Variants in FMNL2 observed in about 807,000 individuals in gnomAD.
FMNL2 encodes the protein formin like 2.
Under a neutral mutation model 130.2 loss-of-function variants are expected in FMNL2, and 51 were observed. The observed-to-expected ratio is 0.39, with a 90% CI of 0.31 to 0.49. The LOEUF is 0.49. Among genes scored for constraint, FMNL2 ranks in the 20% least tolerant of loss-of-function variants. The pLI is 0.85. For synonymous variants in FMNL2, 465 were observed against 467.1 expected (o/e 1.00, Z 0.06); for missense variants, 977 against 1,316.2 (o/e 0.74, Z 3.99).
chr2:152,394,668 C>T (rs1685296539), intron 1 of FMNL2, among the ~76,000 whole-genome samples: 1 of 144,024 alleles, frequency 6.9e-6, no homozygotes, highest in Admixed American at 7.1e-5. Flanking sequence ...ATCTCCCACA[C>T]TAGGAAAGAA....
At position 152,647,672 on chromosome 2, in the gene FMNL2, G is replaced by A. The variant is rs1304550234; in HGVS notation, c.3170-124G>A. On this transcript the variant is annotated intron_variant, in intron 25 of 25. Coordinates refer to ENST00000288670, the MANE Select transcript of FMNL2 (RefSeq NM_052905.4). ...CTTTGATTCAATGCTCAGTGAGTTT[G>A]AAGGGCCCATTAGCTGACTTTTCTA... 6.2e-6 allele frequency: 5 copies of A among 807,562 alleles called. No homozygotes were observed. The African/African-American group carries it at 8.5e-5, about 14-fold the overall frequency. 50.0% of individuals were successfully genotyped at this position (807,562 alleles called of 1,614,324 possible).
At chr2:152,639,577 G>T (rs1396254035) in intron 23 of FMNL2, among the ~76,000 whole-genome samples, 3 of 152,206 alleles carry the variant, frequency 2.0e-5, no homozygotes. Context: ...GAAGGCAGAA[G>T]AATCTTAGAT....
intron 1 of FMNL2, among the ~76,000 whole-genome samples, chr2:152,477,542 T>C (rs1250075569): frequency 1.3e-5 from 2 of 152,276 alleles, no homozygotes; most frequent in East Asian, 1.9e-4. Flanking sequence ...TGATGACAAA[T>C]TGGTGTCTCA....
At chr2:152,575,761 A>G (rs1180725950) in intron 7 of FMNL2, among the ~76,000 whole-genome samples, 1 of 152,226 alleles carries the variant, frequency 6.6e-6, no homozygotes, top group Admixed American at 6.5e-5. Flanking sequence ...CCAGGAATGG[A>G]TAGAGACAGT....
chr2:152,461,603 A>G (rs1327269814), intron 1 of FMNL2, among the ~76,000 whole-genome samples: 2 of 152,218 alleles, frequency 1.3e-5, no homozygotes, highest in Non-Finnish European at 2.9e-5. Context: ...TAAAAATTCA[A>G]TTCTTTCTTC....
At chr2:152,372,910 A>G (rs1454215724) in intron 1 of FMNL2, among the ~76,000 whole-genome samples, 1 of 152,200 alleles carries the variant, frequency 6.6e-6, no homozygotes, top group East Asian at 1.9e-4. Flanking sequence ...TGACCCCAAG[A>G]AGAGGTATCT....
At chr2:152,601,671 C>CTTTTCT (rs1698076811) in intron 9 of FMNL2, among the ~76,000 whole-genome samples, 219 of 103,488 alleles carry the variant, frequency 2.1e-3, no homozygotes, top group African/African-American at 7.0e-3. Flanking sequence ...TCTTTTCTTT[C>CTTTTCT]TTTTTTTTTT....
At position 152,381,938 on chromosome 2, in the gene FMNL2, A is replaced by G. The variant is rs550223581; in HGVS notation, c.117+46218A>G. 3.3e-5 allele frequency among the ~76,000 whole-genome samples: 5 copies of G among 151,986 alleles called. No individual in the cohort carries two copies. In the East Asian group the frequency reaches 9.7e-4, roughly 29 times the overall value. On this transcript the variant is annotated intron_variant, in intron 1 of 25. Coordinates refer to ENST00000288670, the MANE Select transcript of FMNL2 (RefSeq NM_052905.4). ...TCAGCCTCCTGAGGAGGCTGGAACT[A>G]CAAGCAGGCATCATCACACCCAGCT...
At chr2:152,484,415 G>A (rs1690699536) in intron 1 of FMNL2, among the ~76,000 whole-genome samples, 2 of 151,966 alleles carry the variant, frequency 1.3e-5, no homozygotes. Flanking sequence ...TGAGGTAGGA[G>A]GATCACTTGA....
At chr2:152,469,448 T>A (rs1689735366) in intron 1 of FMNL2, among the ~76,000 whole-genome samples, 1 of 152,208 alleles carries the variant, frequency 6.6e-6, no homozygotes, top group Non-Finnish European at 1.5e-5. Flanking sequence ...AGTATCCCTT[T>A]TCCCACATGC....
intron 25 of FMNL2, among the ~76,000 whole-genome samples, chr2:152,646,984 G>A (rs960861375): frequency 6.6e-6 from 1 of 152,130 alleles, no homozygotes; most frequent in Non-Finnish European, 1.5e-5. Flanking sequence ...TATTTGGACT[G>A]GTATGCAGTG....
In FMNL2 at chr2:152,643,649, T is replaced by G. The variant is rs547096969; in HGVS notation, c.3169+2735T>G. The G allele has an allele frequency of 2.3e-4, 337 of 1,467,880 alleles. 1 individual carries two copies. The South Asian group carries it at 3.6e-3, about 16-fold the overall frequency. The allele number at this position is 1,467,880 out of a possible 1,614,324, so 90.9% of individuals were successfully genotyped here. A position where few individuals can be genotyped will look rare whatever the true frequency, so the allele number is the denominator to read the frequency against. On this transcript the variant is annotated intron_variant, in intron 25 of 25. Transcript: ENST00000288670. ...CATCTCCATCATGTTATATTTTGTG[T>G]TGTTCTCATGCTGCATGGTTTTGCA...
chr2:152,413,877 G>A, intron 1 of FMNL2, among the ~76,000 whole-genome samples: 1 of 152,180 alleles, frequency 6.6e-6, no homozygotes, highest in East Asian at 1.9e-4. Context: ...CCTCCTTGTG[G>A]GCAACAAGAC....
chr2:152,626,206 T>G (rs1681773776), intron 16 of FMNL2, among the ~76,000 whole-genome samples: 1 of 152,062 alleles, frequency 6.6e-6, no homozygotes, highest in African/African-American at 2.4e-5. Context: ...CTGGCTATTC[T>G]TTGTGTTTTT....
chr2:152,640,304 T>C (rs527368351), intron 24 of FMNL2, among the ~76,000 whole-genome samples: 2 of 152,210 alleles, frequency 1.3e-5, no homozygotes, highest in African/African-American at 2.4e-5. Context: ...TAGTTGGATA[T>C]ACAGAGAGGC....
intron 6 of FMNL2, among the ~76,000 whole-genome samples, chr2:152,571,478 CA>C (rs1323651187): frequency 2.0e-5 from 3 of 152,250 alleles, no homozygotes; most frequent in Non-Finnish European, 4.4e-5. Flanking sequence ...TGGTTCTGCT[CA>C]AATTATGTGA....
chr2:152,646,582 C>T (rs933060570), intron 25 of FMNL2, among the ~76,000 whole-genome samples: 1 of 69,272 alleles, frequency 1.4e-5, no homozygotes, highest in African/African-American at 5.0e-5. Context: ...TGTACATGTG[C>T]GGGGGGTGGG....
intron 6 of FMNL2, among the ~76,000 whole-genome samples, chr2:152,569,413 G>A (rs1467801418): frequency 6.6e-6 from 1 of 152,142 alleles, no homozygotes; most frequent in African/African-American, 2.4e-5. Context: ...GCAGGTTGAG[G>A]TGTTCCATTT....
chr2:152,639,242 T>C (rs1682881725), intron 23 of FMNL2, among the ~76,000 whole-genome samples: 1 of 152,212 alleles, frequency 6.6e-6, no homozygotes, highest in African/African-American at 2.4e-5. Flanking sequence ...ACAAAAGCAA[T>C]GGAGACCCAA....
Sources: allele counts gnomAD v4.1 joint callset (sites outside exome capture counted in the v4.1 genomes callset), GRCh38; gene constraint gnomAD v4.1.1; transcripts MANE v1.5; gene names NCBI Gene and HGNC (gene_info 2026-07-23, HGNC 2026-07-21).